The following LYPD6B variants were observed in gnomAD, a reference collection of about 807,000 sequenced individuals.
LYPD6B encodes LY6/PLAUR domain containing 6B.
In LYPD6B, 17 loss-of-function variants were observed where a neutral mutation model predicts 22.8. The ratio of observed to expected loss-of-function variants is 0.75; its 90% CI spans 0.51 to 1.12. The LOEUF (loss-of-function observed/expected upper bound fraction) is 1.12. Ranked by LOEUF, LYPD6B falls within the 50% of genes most tolerant of loss-of-function variation. The probability of loss-of-function intolerance (pLI) is 0.00; values close to 1 mark genes in which losing one functional copy is unlikely to be tolerated. For missense variants in LYPD6B, 221 were observed against 258.3 expected, an observed-to-expected ratio of 0.86 and a Z score of 0.99; for synonymous variants, 106 against 91.6, an observed-to-expected ratio of 1.16 and a Z score of -0.90.
chr2:149,156,562 G>A (rs1689714647), intron 2 of LYPD6B, among the ~76,000 whole-genome samples: 1 of 152,158 alleles, frequency 6.6e-6, no homozygotes, highest in African/African-American at 2.4e-5. Context: ...AGGCCTGTCT[G>A]CATAGCCTGT....
In LYPD6B at chr2:149,160,879, G is replaced by C. The variant is rs200182049; in HGVS notation, c.77+44G>C. 3.3e-4 allele frequency: 459 copies of C among 1,404,472 alleles called. 2 individuals are homozygous for C. The African/African-American group carries it at 5.0e-3, about 15-fold the overall frequency. The allele number at this position is 1,404,472 out of a possible 1,614,324, so 87.0% of individuals were successfully genotyped here. On this transcript the variant is annotated intron_variant, in intron 3 of 6. Transcript: ENST00000409642. ...ACAACAGCCCTCGGCTTTTCATTTG[G>C]GAGCTCTGGTTAAGTTGTTGGGAAT... is the stretch of plus-strand genomic sequence containing the variant.
intron 1 of LYPD6B, among the ~76,000 whole-genome samples, chr2:149,092,209 G>T (rs374516670): frequency 6.6e-6 from 1 of 152,084 alleles, no homozygotes; most frequent in South Asian, 2.1e-4. Context: ...AATTTTAGAT[G>T]TCAAAGATGA....
At chr2:149,108,086 G>A (rs1574979695) in intron 1 of LYPD6B, among the ~76,000 whole-genome samples, 1 of 152,114 alleles carries the variant, frequency 6.6e-6, no homozygotes, top group South Asian at 2.1e-4. Context: ...AATCATGGGG[G>A]CAAGTCTTTC....
intron 3 of LYPD6B, among the ~76,000 whole-genome samples, chr2:149,167,981 A>G (rs1690544573): frequency 6.6e-6 from 1 of 151,904 alleles, no homozygotes; most frequent in Non-Finnish European, 1.5e-5. Flanking sequence ...AGGCCTTGGC[A>G]AGTGGATCAC....
At chr2:149,053,226 A>G (rs1287208739) in intron 1 of LYPD6B, among the ~76,000 whole-genome samples, 3 of 152,216 alleles carry the variant, frequency 2.0e-5, no homozygotes, top group East Asian at 3.8e-4. Flanking sequence ...ACAAAATAGG[A>G]TCATACTGCA....
chr2:149,110,778 C>T (rs1278941419), intron 1 of LYPD6B, among the ~76,000 whole-genome samples: 6 of 152,048 alleles, frequency 3.9e-5, no homozygotes, highest in Non-Finnish European at 4.4e-5. Context: ...CAAAATCTTT[C>T]CTCTCAAAGA....
chr2:149,051,532 A>G (rs1404781550), intron 1 of LYPD6B, among the ~76,000 whole-genome samples: 1 of 152,208 alleles, frequency 6.6e-6, no homozygotes, highest in African/African-American at 2.4e-5. Flanking sequence ...ACTTTCAGCT[A>G]GAATTCAGCT....
intron 1 of LYPD6B, among the ~76,000 whole-genome samples, chr2:149,113,745 C>G (rs1239924035): frequency 6.6e-6 from 1 of 152,104 alleles, no homozygotes; most frequent in Admixed American, 6.5e-5. Context: ...AATTGGAACA[C>G]TCATCTGGAA....
intron 3 of LYPD6B, among the ~76,000 whole-genome samples, chr2:149,181,433 A>T (rs1379115104): frequency 6.6e-6 from 1 of 152,134 alleles, no homozygotes; most frequent in Non-Finnish European, 1.5e-5. Context: ...TCTGTGATGA[A>T]TTCTGCCAGG....
At chr2:149,081,662 C>G (rs576727302) in intron 1 of LYPD6B, among the ~76,000 whole-genome samples, 1 of 152,258 alleles carries the variant, frequency 6.6e-6, no homozygotes, top group East Asian at 1.9e-4. Context: ...GAAACAGAAC[C>G]TGACCAGCAA....
Position 149,213,111 on chromosome 2 carries a change from TC to T in LYPD6B, c.449del (p.Ser150LeufsTer13). 1 of 1,613,366 alleles carries T rather than the reference TC, an allele frequency of 6.2e-7. No individual in the cohort carries two copies. The highest frequency in any genetic ancestry group is 8.5e-7 in the Non-Finnish European group (1 of 1,179,668). On this transcript the variant is annotated frameshift_variant, in exon 6 of 7. Coordinates refer to ENST00000409642, the MANE Select transcript of LYPD6B (RefSeq NM_177964.5). LOFTEE classifies it high-confidence loss of function. ...HFVGCHHSRD[S>X]EHTECRSCCE... Reference sequence around the variant, plus strand: ...TGTCGGTTGCCACCACAGCCGAGATTCTGAACATACGGTAAGGATCGTGTGT... The same window carrying T: ...TGTCGGTTGCCACCACAGCCGAGATTTGAACATACGGTAAGGATCGTGTGT...
rs145348754 is a variant in LYPD6B, at chr2:149,089,082, G to A, written c.-66-41801G>A. On this transcript the variant is annotated intron_variant, in intron 1 of 6. Coordinates refer to ENST00000409642, the MANE Select transcript of LYPD6B (RefSeq NM_177964.5). The stretch of plus-strand genomic sequence containing the variant: ...TGAAAAGATAGAATACATGTAAAGT[G>A]TGTAGTATAGTGCCTAGTGTACTAT... Among the ~76,000 whole-genome samples the A allele has an allele frequency of 1.1e-4, 17 of 152,294 alleles. No homozygotes were observed. In the East Asian group the frequency reaches 3.3e-3, roughly 29 times the overall value.
At chr2:149,208,814 T>C (rs1693664777) in intron 5 of LYPD6B, among the ~76,000 whole-genome samples, 1 of 152,226 alleles carries the variant, frequency 6.6e-6, no homozygotes, top group Non-Finnish European at 1.5e-5. Flanking sequence ...TTTACAGATA[T>C]ATCCCAGTGC....
At chr2:149,086,158 G>A (rs1276853800) in intron 1 of LYPD6B, among the ~76,000 whole-genome samples, 1 of 152,138 alleles carries the variant, frequency 6.6e-6, no homozygotes, top group African/African-American at 2.4e-5. Context: ...CTCCCCCACT[G>A]CTGTACACAT....
chr2:149,207,494 C>T (rs769306364), intron 4 of LYPD6B, among the ~76,000 whole-genome samples: 38 of 151,212 alleles, frequency 2.5e-4, no homozygotes, highest in African/African-American at 8.3e-4. Context: ...TCTTCTTGTC[C>T]GCTAAAATTA....
intron 3 of LYPD6B, among the ~76,000 whole-genome samples, chr2:149,179,921 A>G (rs922774765): frequency 6.6e-6 from 1 of 152,238 alleles, no homozygotes; most frequent in Admixed American, 6.5e-5. Flanking sequence ...CAAAACAGCC[A>G]TATCTTCAGG....
intron 1 of LYPD6B, among the ~76,000 whole-genome samples, chr2:149,117,658 C>G (rs1456097062): frequency 6.6e-6 from 1 of 152,114 alleles, no homozygotes; most frequent in Non-Finnish European, 1.5e-5. Flanking sequence ...ATAGCAGGAC[C>G]TTGTTGCTCA....
At chr2:149,214,192 T>G (rs1694052111) in intron 6 of LYPD6B, among the ~76,000 whole-genome samples, 1 of 152,152 alleles carries the variant, frequency 6.6e-6, no homozygotes, top group South Asian at 2.1e-4. Flanking sequence ...ATCCGAAAGG[T>G]TCCTAGCTTT....
chr2:149,045,006 A>G (rs1683247480), intron 1 of LYPD6B, among the ~76,000 whole-genome samples: 1 of 152,040 alleles, frequency 6.6e-6, no homozygotes, highest in Non-Finnish European at 1.5e-5. Flanking sequence ...GGTATTATTT[A>G]TTCCTTCAGT....
Sources: gnomAD v4.1 joint callset for allele counts (sites outside exome capture counted in the v4.1 genomes callset) on GRCh38, gnomAD v4.1.1 for gene constraint, MANE v1.5 for transcripts, NCBI Gene and HGNC (gene_info 2026-07-23, HGNC 2026-07-21) for gene names.